The following FMO1 variants were observed in gnomAD, a reference collection of about 807,000 sequenced individuals.
FMO1 encodes flavin-containing monooxygenase 1.
In FMO1, 36 loss-of-function variants were observed where a neutral mutation model predicts 45.4. The observed-to-expected ratio is 0.79, with a 90% CI of 0.61 to 1.05. The LOEUF (loss-of-function observed/expected upper bound fraction) is 1.05. Ranked by LOEUF, FMO1 falls within the 50% of genes least tolerant of loss-of-function variation. FMO1 has a pLI of 0.00. For missense variants in FMO1, 615 were observed against 640.3 expected (o/e 0.96, Z 0.43); for synonymous variants, 228 against 227.2 (o/e 1.00, Z -0.03).
chr1:171,251,561 A>ATTCCTCACACAG, intron 1 of FMO1: 1 of 150,470 alleles, frequency 6.6e-6, no homozygotes, highest in Admixed American at 6.6e-5. Flanking sequence ...CCTTCACAGC[A>ATTCCTCACACAG]TTCCTCACAC....
chr1:171,281,012 T>G, intron 6 of FMO1, 27 bp downstream of exon 6: 1 of 1,598,260 alleles, frequency 6.3e-7, no homozygotes, highest in South Asian at 1.1e-5. Flanking sequence ...TGCCAAGGGC[T>G]TTTAGGAAGA....
intron 5 of FMO1, 44 bp from the exon 6 acceptor site, chr1:171,280,742 G>A (rs369396861): frequency 1.8e-5 from 27 of 1,535,506 alleles, no homozygotes; most frequent in African/African-American, 5.5e-5. Flanking sequence ...CCAGCCAGCC[G>A]TGTTCACAGT....
chr1:171,254,620 T>C (rs1660067886), intron 1 of FMO1, among the ~76,000 whole-genome samples: 1 of 152,226 alleles, frequency 6.6e-6, no homozygotes, highest in Non-Finnish European at 1.5e-5. Flanking sequence ...CAATGTCTTA[T>C]GGATGATACA....
chr1:171,263,173 A>G (rs929100011), intron 2 of FMO1, among the ~76,000 whole-genome samples: 2 of 152,248 alleles, frequency 1.3e-5, no homozygotes, highest in Admixed American at 6.5e-5. Flanking sequence ...AAAGAATAAT[A>G]CAAATAATGA....
At position 171,282,630 on chromosome 1, in the gene FMO1, A is replaced by C. The variant is rs555201341; in HGVS notation, c.1183+297A>C. Reference sequence around the variant, plus strand: ...TTTTTCTTTTTTATTTTTAAGACACAGGGTCTCACTATCTCGTCCAGACTA... The same window carrying C: ...TTTTTCTTTTTTATTTTTAAGACACCGGGTCTCACTATCTCGTCCAGACTA... On this transcript the variant is annotated intron_variant, in intron 7 of 8. Coordinates refer to ENST00000617670, the MANE Select transcript of FMO1 (RefSeq NM_001282693.2). The C allele has an allele frequency of 9.8e-5, 27 of 276,824 alleles. No individual in the cohort carries two copies. The East Asian group carries it at 2.0e-3, about 20-fold the overall frequency. 17.1% of individuals were successfully genotyped at this position (276,824 alleles called of 1,614,324 possible).
chr1:171,258,876 A>C (rs1660275471), intron 2 of FMO1, among the ~76,000 whole-genome samples: 1 of 152,216 alleles, frequency 6.6e-6, no homozygotes, highest in Non-Finnish European at 1.5e-5. Context: ...AAAGGGGACT[A>C]TAAAGCCCAC....
At chr1:171,263,939 A>AT (rs1366402732) in intron 2 of FMO1, among the ~76,000 whole-genome samples, 1 of 152,174 alleles carries the variant, frequency 6.6e-6, no homozygotes, top group African/African-American at 2.4e-5. Flanking sequence ...CTCCCTGTAT[A>AT]TATGCTAAAT....
At chr1:171,254,289 C>T (rs1660049003) in intron 1 of FMO1, among the ~76,000 whole-genome samples, 1 of 152,120 alleles carries the variant, frequency 6.6e-6, no homozygotes, top group African/African-American at 2.4e-5. Context: ...CAGGGTTTCA[C>T]CATGTTGGCC....
chr1:171,258,853 G>A (rs998548594), intron 2 of FMO1, among the ~76,000 whole-genome samples: 5 of 141,146 alleles, frequency 3.5e-5, no homozygotes, highest in Non-Finnish European at 7.4e-5. Flanking sequence ...GAATGAAGGG[G>A]TGAGGACCGA....
chr1:171,266,024 C>G (rs927083363), intron 2 of FMO1, among the ~76,000 whole-genome samples: 2 of 152,010 alleles, frequency 1.3e-5, no homozygotes, highest in African/African-American at 4.8e-5. Flanking sequence ...TTATCCGTAG[C>G]CAGTTCAAAT....
chr1:171,280,339 G>C (rs112681283), intron 5 of FMO1, among the ~76,000 whole-genome samples: 3 of 152,128 alleles, frequency 2.0e-5, no homozygotes, highest in African/African-American at 7.2e-5. Context: ...ATGTTAAAAA[G>C]AACAAATACC....
chr1:171,274,883 G>C (rs1301648799), intron 3 of FMO1, among the ~76,000 whole-genome samples: 3 of 152,156 alleles, frequency 2.0e-5, no homozygotes, highest in Non-Finnish European at 2.9e-5. Flanking sequence ...TTGCTTTCTA[G>C]TTCTGGAAAA....
chr1:171,273,134 G>A (rs867357806), intron 3 of FMO1, among the ~76,000 whole-genome samples: 52 of 152,222 alleles, frequency 3.4e-4, no homozygotes, highest in African/African-American at 1.1e-3. Context: ...GTTTTATAAG[G>A]CAGAATTTCC....
chr1:171,283,874 T>C (rs1354983728), intron 8 of FMO1, among the ~76,000 whole-genome samples: 2 of 152,202 alleles, frequency 1.3e-5, no homozygotes, highest in Non-Finnish European at 2.9e-5. Context: ...AGATAGAAAC[T>C]GTAATGTGGC....
At chr1:171,257,827 C>T in intron 1 of FMO1, 1 of 452,030 alleles carries the variant, frequency 2.2e-6, no homozygotes, top group Non-Finnish European at 4.1e-6. Flanking sequence ...AGCAGCTCTG[C>T]CAGAAGCTAC....
intron 2 of FMO1, among the ~76,000 whole-genome samples, chr1:171,262,851 A>T (rs1473132597): frequency 6.6e-6 from 1 of 152,204 alleles, no homozygotes; most frequent in Admixed American, 6.5e-5. Flanking sequence ...ATATAGACCC[A>T]GAAACTGGAC....
intron 7 of FMO1, chr1:171,282,916 A>G (rs1482584155): frequency 7.4e-6 from 3 of 407,286 alleles, no homozygotes; most frequent in South Asian, 7.3e-5. Context: ...AGATTCTGCT[A>G]TATCAAATAA....
intron 7 of FMO1, 21 bp downstream of exon 7, chr1:171,282,354 G>A: frequency 6.5e-7 from 1 of 1,529,538 alleles, no homozygotes; most frequent in Non-Finnish European, 9.0e-7. Context: ...GAAATAGCAG[G>A]GCATGTGTTT....
chr1:171,256,568 T>C (rs1571328048), intron 1 of FMO1, among the ~76,000 whole-genome samples: 1 of 152,040 alleles, frequency 6.6e-6, no homozygotes, highest in East Asian at 1.9e-4. Context: ...TACTGGTTCT[T>C]CCCCAGTAAA....
Sources: allele counts gnomAD v4.1 joint callset (sites outside exome capture counted in the v4.1 genomes callset), GRCh38; gene constraint gnomAD v4.1.1; transcripts MANE v1.5; gene names NCBI Gene and HGNC (gene_info 2026-07-23, HGNC 2026-07-21).